VAPB: variants seen among roughly 807,000 people sequenced by gnomAD.
The protein encoded by VAPB is VAMP associated protein B and C, also known as vesicle-associated membrane protein-associated protein B/C.
A neutral mutation model predicts 25.6 loss-of-function variants in VAPB; 7 were observed. That is an observed-to-expected ratio of 0.27 (90% CI 0.16 to 0.51). The LOEUF (loss-of-function observed/expected upper bound fraction) is 0.51, where lower values mean the gene tolerates loss of function less well. VAPB is among the 20% of genes least tolerant of loss of function. VAPB has a pLI of 0.97. For missense variants in VAPB, 266 were observed against 301.3 expected, an observed-to-expected ratio of 0.88 and a Z score of 0.87; for synonymous variants, 112 against 109.2, an observed-to-expected ratio of 1.03 and a Z score of -0.16.
intron 1 of VAPB, 101 bp downstream of exon 1, chr20:58,389,618 C>CCG: frequency 7.7e-7 from 1 of 1,296,468 alleles, no homozygotes; most frequent in Non-Finnish European, 1.0e-6. Context: ...CGTCCCCACC[C>CCG]CGACGGCGCT....
intron 2 of VAPB, among the ~76,000 whole-genome samples, chr20:58,425,861 C>T (rs562952483): frequency 1.3e-5 from 2 of 152,118 alleles, no homozygotes; most frequent in Admixed American, 1.3e-4. Context: ...AGAACTTTTC[C>T]CTCCAGAATT....
chr20:58,420,113 G>A (rs1988638373), intron 2 of VAPB, among the ~76,000 whole-genome samples: 1 of 152,034 alleles, frequency 6.6e-6, no homozygotes, highest in Non-Finnish European at 1.5e-5. Flanking sequence ...AGCCTCCCGA[G>A]TAGCTAGGAT....
Position 58,449,420 on chromosome 20 carries a change from C to T in VAPB, c.*5185C>T, listed in dbSNP as rs879594575. ...CGGGTGGAGGTGGATGAGAGGTTGT[C>T]TTCATGAATATAATTACTTGAGATT... is the stretch of plus-strand genomic sequence containing the variant. On this transcript the variant is annotated 3_prime_UTR_variant, in exon 6 of 6. Coordinates refer to ENST00000475243, the MANE Select transcript of VAPB (RefSeq NM_004738.5). 3 of 452,956 alleles carry T rather than the reference C, an allele frequency of 6.6e-6. No homozygotes were observed. Among genetic ancestry groups the T allele is most frequent in the Non-Finnish European group, 8.8e-6 (2 of 226,636 alleles). 28.1% of individuals were successfully genotyped at this position (452,956 alleles called of 1,614,324 possible).
chr20:58,411,362 A>T (rs1600786944), intron 1 of VAPB, among the ~76,000 whole-genome samples: 1 of 152,150 alleles, frequency 6.6e-6, no homozygotes, highest in African/African-American at 2.4e-5. Flanking sequence ...GCTCACTGCA[A>T]CCTCTGCCTC....
Position 58,444,203 on chromosome 20 carries a change from G to A in VAPB, c.700G>A (p.Val234Ile), listed in dbSNP as rs149215094. The change falls in exon 6 of 6, where the codon GTT (valine) becomes ATT (isoleucine). Residue 234 changes from valine to isoleucine, a missense_variant. This residue lies in a region of VAPB where 136 missense variants were observed against 130.7 expected (regional missense o/e 1.04). Coordinates refer to ENST00000475243, the MANE Select transcript of VAPB (RefSeq NM_004738.5). ...GGCTCTGGTGGTTTTGTTCTTTATC[G>A]TTGGTGTAATTATTGGGAAGATTGC... is the stretch of plus-strand genomic sequence containing the variant. ...LLALVVLFFIVGVIIGKIAL is the reference protein window; with the variant it reads ...LLALVVLFFIIGVIIGKIAL 56 of 1,614,088 alleles carry A rather than the reference G, an allele frequency of 3.5e-5. No individual in the cohort carries two copies. The highest frequency in any genetic ancestry group is 3.3e-5 in the Admixed American group (2 of 60,006).
chr20:58,444,768 A>AATTG lies in VAPB; in HGVS notation c.*534_*537dup. 1 of 454,534 alleles carries AATTG rather than the reference A, an allele frequency of 2.2e-6. No individual in the cohort carries two copies. Among genetic ancestry groups the AATTG allele is most frequent in the Non-Finnish European group, 4.4e-6 (1 of 226,814 alleles). 28.2% of individuals were successfully genotyped at this position (454,534 alleles called of 1,614,324 possible). The stretch of plus-strand genomic sequence containing the variant: ...ATGAACAGAGTCAGAAGCCCAAAGG[A>AATTG]ATTGCACTGTGGCAGCATCAGACGT... On this transcript the variant is annotated 3_prime_UTR_variant, in exon 6 of 6. Transcript: ENST00000475243.
chr20:58,425,774 A>G (rs981175379), intron 2 of VAPB, among the ~76,000 whole-genome samples: 1 of 152,236 alleles, frequency 6.6e-6, no homozygotes, highest in African/African-American at 2.4e-5. Flanking sequence ...CTGCTAACAC[A>G]AAAATTCCGG....
intron 2 of VAPB, among the ~76,000 whole-genome samples, chr20:58,433,150 T>C (rs1988963481): frequency 6.6e-6 from 1 of 152,180 alleles, no homozygotes; most frequent in Non-Finnish European, 1.5e-5. Flanking sequence ...TTCCATTAGC[T>C]TTGTCGTGGG....
intron 2 of VAPB, among the ~76,000 whole-genome samples, chr20:58,425,444 CA>C (rs1212803109): frequency 6.6e-6 from 1 of 152,206 alleles, no homozygotes; most frequent in Non-Finnish European, 1.5e-5. Context: ...GAAGAAGGTG[CA>C]AACCTGTTAG....
At chr20:58,429,709 A>C (rs1249339694) in intron 2 of VAPB, among the ~76,000 whole-genome samples, 1 of 152,204 alleles carries the variant, frequency 6.6e-6, no homozygotes, top group East Asian at 1.9e-4. Context: ...CCGAAAACTC[A>C]AGACCTGGTT....
intron 1 of VAPB, among the ~76,000 whole-genome samples, chr20:58,390,830 C>A (rs1352756241): frequency 6.6e-6 from 1 of 151,420 alleles, no homozygotes; most frequent in East Asian, 1.9e-4. Flanking sequence ...TCAGAGTTCA[C>A]GCTCTTAACC....
chr20:58,429,337 G>A (rs1988876932), intron 2 of VAPB, among the ~76,000 whole-genome samples: 1 of 152,182 alleles, frequency 6.6e-6, no homozygotes, highest in Admixed American at 6.5e-5. Context: ...TTTGCAGAAG[G>A]GCTGTTGGAC....
chr20:58,416,446 C>T lies in VAPB; in HGVS notation c.59-1765C>T, dbSNP rs192131853. Among the ~76,000 whole-genome samples the T allele has an allele frequency of 4.2e-4, 29 of 69,538 alleles. 2 individuals carry two copies. Among genetic ancestry groups the T allele is most frequent in the South Asian group, 1.8e-3 (4 of 2,282 alleles). 45.6% of individuals were successfully genotyped at this position (69,538 alleles called of 152,430 possible). ...GGGGAGAGGGTGAACTGAGGTATCCCGTAGGTGGTTGAGGTGTGTGTGCTT... is the reference window on the plus strand; with the variant it reads ...GGGGAGAGGGTGAACTGAGGTATCCTGTAGGTGGTTGAGGTGTGTGTGCTT... On this transcript the variant is annotated intron_variant, in intron 1 of 5. Coordinates refer to ENST00000475243, the MANE Select transcript of VAPB (RefSeq NM_004738.5).
chr20:58,418,601 C>T lies in VAPB; in HGVS notation c.211+238C>T, dbSNP rs62205705. Among the ~76,000 whole-genome samples, 6,653 of 151,592 alleles carry T rather than the reference C, an allele frequency of 0.044. 199 individuals carry two copies. The highest frequency in any genetic ancestry group is 0.075 in the South Asian group (358 of 4,794). On this transcript the variant is annotated intron_variant, in intron 2 of 5. Coordinates refer to ENST00000475243, the MANE Select transcript of VAPB (RefSeq NM_004738.5). ...TGTTTCAAAGCTTACAGCCCCTTTG[C>T]ACCTCAATAGTTAGAGCAAAACTGA...
chr20:58,422,461 G>A (rs972164934), intron 2 of VAPB, among the ~76,000 whole-genome samples: 4 of 152,142 alleles, frequency 2.6e-5, no homozygotes, highest in African/African-American at 9.7e-5. Flanking sequence ...TTGAATTAAC[G>A]AATTGTTTTG....
At chr20:58,414,817 C>T (rs946603785) in intron 1 of VAPB, among the ~76,000 whole-genome samples, 1 of 152,136 alleles carries the variant, frequency 6.6e-6, no homozygotes, top group Non-Finnish European at 1.5e-5. Flanking sequence ...ACTTCCCAGA[C>T]GGGGTGGCGG....
intron 3 of VAPB, among the ~76,000 whole-genome samples, 198 bp downstream of exon 3, chr20:58,434,903 A>G (rs576265053): frequency 1.3e-5 from 2 of 151,044 alleles, no homozygotes; most frequent in Admixed American, 6.7e-5. Flanking sequence ...ATTTTTTGTG[A>G]CTTTCTAGAA....
intron 1 of VAPB, among the ~76,000 whole-genome samples, 176 bp downstream of exon 1, chr20:58,389,693 AG>A (rs1388341747): frequency 6.6e-6 from 1 of 152,044 alleles, no homozygotes; most frequent in African/African-American, 2.4e-5. Flanking sequence ...AACTGCCCGG[AG>A]TGGCCGGGAC....
intron 1 of VAPB, among the ~76,000 whole-genome samples, chr20:58,397,069 C>T (rs1217546742): frequency 6.6e-6 from 1 of 152,220 alleles, no homozygotes. Flanking sequence ...TTCTTAAGAA[C>T]ATCAATTCAT....
Sources: gnomAD v4.1 joint callset for allele counts (sites outside exome capture counted in the v4.1 genomes callset) on GRCh38, gnomAD v4.1.1 for gene constraint, gnomAD v4.1.1 regional missense constraint, MANE v1.5 for transcripts, NCBI Gene and HGNC (gene_info 2026-07-23, HGNC 2026-07-21) for gene names.